POU2F3: variants seen among roughly 807,000 people sequenced by gnomAD.
The protein encoded by POU2F3 is POU class 2 homeobox 3.
POU2F3 carries 23 observed loss-of-function variants against 59.2 expected under a neutral mutation model. That is an observed-to-expected ratio of 0.39 (90% CI 0.28 to 0.55). The LOEUF is 0.55. Ranked by LOEUF, POU2F3 falls within the 20% of genes least tolerant of loss-of-function variation. The pLI is 0.66. For synonymous variants in POU2F3, 190 were observed against 214.6 expected (o/e 0.89, Z 1.00); for missense variants, 473 against 544.5 (o/e 0.87, Z 1.31).
At chr11:120,278,885 A>G (rs1322138179) in intron 3 of POU2F3, among the ~76,000 whole-genome samples, 1 of 152,200 alleles carries the variant, frequency 6.6e-6, no homozygotes, top group Non-Finnish European at 1.5e-5. Context: ...CACATTCTGC[A>G]CATGTATCCC....
At chr11:120,315,691 A>C (rs1479116759) in intron 11 of POU2F3, among the ~76,000 whole-genome samples, 1 of 152,070 alleles carries the variant, frequency 6.6e-6, no homozygotes, top group Non-Finnish European at 1.5e-5. Context: ...TTCCAAAATG[A>C]ACTGTGTGGA....
chr11:120,292,445 G>A (rs1051954019), intron 3 of POU2F3, among the ~76,000 whole-genome samples: 4 of 152,142 alleles, frequency 2.6e-5, no homozygotes, highest in African/African-American at 9.7e-5. Flanking sequence ...CACTGGGCTT[G>A]GAAACAGTTC....
intron 3 of POU2F3, among the ~76,000 whole-genome samples, chr11:120,297,719 C>A (rs12279389): frequency 0.054 from 8,236 of 152,114 alleles, 741 homozygotes; most frequent in African/African-American, 0.18. Flanking sequence ...TAAATTTTAA[C>A]CTTCTTCCTC....
At chr11:120,284,156 G>A (rs1367756713) in intron 3 of POU2F3, among the ~76,000 whole-genome samples, 2 of 151,688 alleles carry the variant, frequency 1.3e-5, no homozygotes, top group African/African-American at 4.9e-5. Flanking sequence ...TCCAGTCTGG[G>A]TGACAAGAGC....
intron 3 of POU2F3, among the ~76,000 whole-genome samples, chr11:120,270,620 A>T (rs1170676653): frequency 1.3e-5 from 2 of 152,136 alleles, no homozygotes; most frequent in African/African-American, 4.8e-5. Context: ...ATCTAGATGG[A>T]AGTCTAGGAT....
rs191717996 is a variant in POU2F3 at position 120,309,590 on chromosome 11, A to G, written c.1068+4A>G. On this transcript the variant is annotated splice_donor_region_variant and intron_variant, in intron 10 of 12. Coordinates refer to ENST00000543440, the MANE Select transcript of POU2F3 (RefSeq NM_014352.4). ...ACCTGTCTACAACTCCCGGCTGGTGAGTGGCCAGGAACCAAGCTGTCTGCC... is the reference window on the plus strand; with the variant it reads ...ACCTGTCTACAACTCCCGGCTGGTGGGTGGCCAGGAACCAAGCTGTCTGCC... 0.022 allele frequency: 34,860 copies of G among 1,612,108 alleles called. 436 individuals are homozygous for G. The highest frequency in any genetic ancestry group is 0.025 in the Non-Finnish European group (29,713 of 1,178,308).
At chr11:120,297,107 T>C (rs1214199390) in intron 3 of POU2F3, among the ~76,000 whole-genome samples, 2 of 152,218 alleles carry the variant, frequency 1.3e-5, no homozygotes, top group African/African-American at 4.8e-5. Flanking sequence ...CAACCAGATG[T>C]CCACATAGGA....
At chr11:120,251,313 C>T (rs186765210) in intron 2 of POU2F3, among the ~76,000 whole-genome samples, 7 of 152,318 alleles carry the variant, frequency 4.6e-5, no homozygotes, top group African/African-American at 1.2e-4. Context: ...TGAGCCTGTG[C>T]GTGCGCACAC....
At chr11:120,299,556 G>T in intron 4 of POU2F3, 68 bp from the exon 5 acceptor site, 2 of 1,425,456 alleles carry the variant, frequency 1.4e-6, no homozygotes, top group Non-Finnish European at 9.7e-7. Flanking sequence ...CGGACGAGTG[G>T]CAGGCAGATG....
chr11:120,309,696 A>C, intron 10 of POU2F3, 110 bp downstream of exon 10: 1 of 1,272,674 alleles, frequency 7.9e-7, no homozygotes, highest in Non-Finnish European at 1.1e-6. Context: ...TAAATAAGCA[A>C]AGAGATGCTG....
At chr11:120,236,740 CATCTA>C (rs1421742217), upstream of POU2F3, 13 of 1,445,462 alleles carry the variant, frequency 9.0e-6, no homozygotes, top group Non-Finnish European at 1.2e-5. Flanking sequence ...CATTCTAGCT[CATCTA>C]ACTGAAATGA....
chr11:120,248,167 A>T (rs1434164438), intron 2 of POU2F3, among the ~76,000 whole-genome samples: 1 of 152,222 alleles, frequency 6.6e-6, no homozygotes, highest in Non-Finnish European at 1.5e-5. Context: ...GACATTGGCT[A>T]AGACCTTCAG....
At chr11:120,250,920 T>C (rs1194698715) in intron 2 of POU2F3, among the ~76,000 whole-genome samples, 1 of 151,190 alleles carries the variant, frequency 6.6e-6, no homozygotes. Context: ...GAGGTTGCAG[T>C]GAGCCGAGAT....
intron 10 of POU2F3, among the ~76,000 whole-genome samples, chr11:120,314,807 A>G (rs1941738809): frequency 6.6e-6 from 1 of 152,178 alleles, no homozygotes; most frequent in African/African-American, 2.4e-5. Flanking sequence ...TGAGGTCTCC[A>G]GGGCAAAATA....
intron 3 of POU2F3, among the ~76,000 whole-genome samples, chr11:120,278,844 A>G (rs1358548554): frequency 6.6e-6 from 1 of 152,242 alleles, no homozygotes. Flanking sequence ...GCAAACCATC[A>G]TGGCACGTGT....
intron 2 of POU2F3, among the ~76,000 whole-genome samples, chr11:120,261,751 A>G (rs1282181732): frequency 6.6e-6 from 1 of 152,218 alleles, no homozygotes; most frequent in Non-Finnish European, 1.5e-5. Context: ...AGGGAAAGAA[A>G]AAGTCCTGGT....
chr11:120,310,203 TAGCCATGG>T (rs1343096719), intron 10 of POU2F3, among the ~76,000 whole-genome samples: 1 of 152,144 alleles, frequency 6.6e-6, no homozygotes, highest in Non-Finnish European at 1.5e-5. Flanking sequence ...CCCAGGGTGG[TAGCCATGG>T]AGGTGAGGAG....
chr11:120,307,429 G>A, intron 8 of POU2F3, 50 bp from the exon 9 acceptor site: 1 of 1,600,834 alleles, frequency 6.2e-7, no homozygotes, highest in Non-Finnish European at 8.5e-7. Flanking sequence ...GAAGGCACCG[G>A]CCACTCATCC....
intron 2 of POU2F3, among the ~76,000 whole-genome samples, chr11:120,261,873 A>G (rs1282125794): frequency 6.6e-6 from 1 of 152,242 alleles, no homozygotes; most frequent in Non-Finnish European, 1.5e-5. Context: ...TTCAAACATC[A>G]GTTCTGTAAC....
Sources: gnomAD v4.1 joint callset for allele counts (sites outside exome capture counted in the v4.1 genomes callset) on GRCh38, gnomAD v4.1.1 for gene constraint, MANE v1.5 for transcripts, NCBI Gene and HGNC (gene_info 2026-07-23, HGNC 2026-07-21) for gene names.